The following TMEM132B variants were observed in gnomAD, a reference collection of about 807,000 sequenced individuals.
TMEM132B encodes transmembrane protein 132B.
In TMEM132B, 18 loss-of-function variants were observed where a neutral mutation model predicts 90.8. The observed-to-expected ratio is 0.20, with a 90% CI of 0.14 to 0.29. TMEM132B has a LOEUF of 0.29. TMEM132B is among the 10% of genes least tolerant of loss of function. The pLI is 1.00. For synonymous variants in TMEM132B, 504 were observed against 523.3 expected (o/e 0.96, Z 0.50); for missense variants, 1,096 against 1,326.8 (o/e 0.83, Z 2.70).
intron 3 of TMEM132B, among the ~76,000 whole-genome samples, chr12:125,467,834 T>C (rs1881609554): frequency 6.6e-6 from 1 of 152,252 alleles, no homozygotes; most frequent in Non-Finnish European, 1.5e-5. Context: ...TTTGGACATT[T>C]CATGTAAATG....
rs1887217875 is a variant in TMEM132B at position 125,662,090 on chromosome 12, C to CA, written c.*7381dup. 1 of 152,240 alleles carries CA rather than the reference C, an allele frequency of 6.6e-6. No homozygotes were observed. Among genetic ancestry groups the CA allele is most frequent in the South Asian group, 2.1e-4 (1 of 4,834 alleles). 9.4% of individuals were successfully genotyped at this position (152,240 alleles called of 1,614,324 possible). A position where few individuals can be genotyped will look rare whatever the true frequency, so the allele number is the denominator to read the frequency against. On this transcript the variant is annotated 3_prime_UTR_variant, in exon 9 of 9. Transcript: ENST00000682704. ...TTTGGGGTGATTGCAAGGCAGCAAA[C>CA]AGTGGGGACAAGTTTTGTCTGGCAT...
At chr12:125,413,445 T>C (rs1382101330) in intron 2 of TMEM132B, among the ~76,000 whole-genome samples, 1 of 152,176 alleles carries the variant, frequency 6.6e-6, no homozygotes, top group Non-Finnish European at 1.5e-5. Context: ...AACACTGTCG[T>C]CATCCCAAAA....
rs189511382 is a variant in TMEM132B at position 125,488,264 on chromosome 12, A to G, written c.1107-31175A>G. ...TTGTACTGAATGTCTAGCCAAGGCA[A>G]TAAGACATGGAAAAGAAATGGGTCA... On this transcript the variant is annotated intron_variant, in intron 3 of 8. Coordinates refer to ENST00000682704, the MANE Select transcript of TMEM132B (RefSeq NM_001366854.1). Among the ~76,000 whole-genome samples the G allele has an allele frequency of 1.1e-3, 172 of 152,346 alleles. 1 individual carries two copies. Among genetic ancestry groups the G allele is most frequent in the South Asian group, 6.2e-3 (30 of 4,824 alleles).
chr12:125,230,219 C>G (rs987070155), intron 1 of TMEM132B, among the ~76,000 whole-genome samples: 1 of 152,122 alleles, frequency 6.6e-6, no homozygotes, highest in Non-Finnish European at 1.5e-5. Flanking sequence ...GTTGTAGAAA[C>G]TTTTGTTAAA....
At chr12:125,297,142 G>C (rs993922132) in intron 1 of TMEM132B, among the ~76,000 whole-genome samples, 1 of 87,896 alleles carries the variant, frequency 1.1e-5, no homozygotes, top group Non-Finnish European at 2.8e-5. Flanking sequence ...GGGTTTCCTT[G>C]GGGGGGTCCT....
intron 5 of TMEM132B, among the ~76,000 whole-genome samples, chr12:125,589,348 G>T (rs1421586367): frequency 6.6e-6 from 1 of 151,704 alleles, no homozygotes; most frequent in African/African-American, 2.4e-5. Context: ...CGGGCGTAGT[G>T]GCGGGGGCCT....
At chr12:125,538,443 G>A (rs138894304) in intron 4 of TMEM132B, among the ~76,000 whole-genome samples, 39 of 152,290 alleles carry the variant, frequency 2.6e-4, no homozygotes, top group African/African-American at 8.9e-4. Flanking sequence ...CTTCCTCAGT[G>A]GCACTCTAGC....
intron 4 of TMEM132B, among the ~76,000 whole-genome samples, chr12:125,560,649 C>T (rs1215333796): frequency 1.3e-5 from 2 of 150,250 alleles, no homozygotes; most frequent in East Asian, 3.9e-4. Flanking sequence ...GGTGAAACCC[C>T]GTCTCTACTA....
At chr12:125,195,461 T>A (rs1238480123) in intron 1 of TMEM132B, among the ~76,000 whole-genome samples, 1 of 130,740 alleles carries the variant, frequency 7.6e-6, no homozygotes, top group Admixed American at 9.6e-5. Flanking sequence ...TGCAGTGGAG[T>A]GATCTTGGCT....
intron 1 of TMEM132B, among the ~76,000 whole-genome samples, chr12:125,211,395 T>C (rs1354385549): frequency 6.6e-6 from 1 of 152,248 alleles, no homozygotes; most frequent in Admixed American, 6.5e-5. Flanking sequence ...TATCATGTTA[T>C]CTTCCTCTTC....
intron 4 of TMEM132B, among the ~76,000 whole-genome samples, chr12:125,535,378 G>A (rs142131151): frequency 2.0e-5 from 3 of 152,282 alleles, no homozygotes; most frequent in African/African-American, 7.2e-5. Flanking sequence ...GTCCCACAGG[G>A]CTTGGTAACC....
intron 2 of TMEM132B, among the ~76,000 whole-genome samples, chr12:125,359,945 G>A (rs150133608): frequency 0.011 from 1,751 of 152,276 alleles, 36 homozygotes; most frequent in African/African-American, 0.039. Flanking sequence ...GGGCGTGGTG[G>A]CACGTGCCTC....
At chr12:125,564,265 T>G (rs1884611276) in intron 4 of TMEM132B, among the ~76,000 whole-genome samples, 1 of 152,208 alleles carries the variant, frequency 6.6e-6, no homozygotes. Flanking sequence ...AATGCTTATG[T>G]ATATTAAGGA....
intron 1 of TMEM132B, among the ~76,000 whole-genome samples, chr12:125,187,877 A>G (rs144134913): frequency 6.9e-4 from 104 of 151,210 alleles, no homozygotes; most frequent in Non-Finnish European, 1.2e-3. Context: ...CAGTTCTCCA[A>G]ACCTTTTAAA....
At chr12:125,336,490 T>C (rs1876965707) in intron 1 of TMEM132B, among the ~76,000 whole-genome samples, 1 of 152,206 alleles carries the variant, frequency 6.6e-6, no homozygotes, top group Non-Finnish European at 1.5e-5. Flanking sequence ...GACCTTAAAT[T>C]CCAATTTTGT....
At chr12:125,627,948 A>G (rs1439305683) in intron 5 of TMEM132B, among the ~76,000 whole-genome samples, 3 of 152,202 alleles carry the variant, frequency 2.0e-5, no homozygotes, top group Non-Finnish European at 2.9e-5. Context: ...TTCACTTAAG[A>G]TAAAGATCTC....
intron 1 of TMEM132B, among the ~76,000 whole-genome samples, chr12:125,267,783 T>C (rs937859502): frequency 6.6e-6 from 1 of 152,214 alleles, no homozygotes; most frequent in Non-Finnish European, 1.5e-5. Context: ...GTTAACAGAT[T>C]TGATTTCTCG....
chr12:125,200,028 A>G (rs1873019343), intron 1 of TMEM132B, among the ~76,000 whole-genome samples: 1 of 152,138 alleles, frequency 6.6e-6, no homozygotes, highest in Non-Finnish European at 1.5e-5. Context: ...ACCGGGCACA[A>G]AGTTGTTAGT....
At chr12:125,560,635 A>G (rs1884498644) in intron 4 of TMEM132B, among the ~76,000 whole-genome samples, 1 of 151,742 alleles carries the variant, frequency 6.6e-6, no homozygotes. Context: ...ATCCTGGCTA[A>G]TAAGGTGAAA....
Sources: allele counts gnomAD v4.1 joint callset (sites outside exome capture counted in the v4.1 genomes callset), GRCh38; gene constraint gnomAD v4.1.1; transcripts MANE v1.5; gene names NCBI Gene and HGNC (gene_info 2026-07-23, HGNC 2026-07-21).